DCST1: variants seen among roughly 807,000 people sequenced by gnomAD.
DCST1 encodes the protein E3 ubiquitin-protein ligase DCST1.
DCST1 carries 78 observed loss-of-function variants against 89.1 expected under a neutral mutation model. The ratio of observed to expected loss-of-function variants is 0.88; its 90% CI spans 0.73 to 1.06. DCST1 has a LOEUF of 1.06. Among genes scored for constraint, DCST1 ranks in the 50% least tolerant of loss-of-function variants. The pLI is 0.00. For missense variants in DCST1, 900 were observed against 928.6 expected (o/e 0.97, Z 0.40); for synonymous variants, 364 against 371.9 (o/e 0.98, Z 0.24).
At chr1:155,047,983 C>G in intron 15 of DCST1, 54 bp downstream of exon 15, 1 of 1,613,210 alleles carries the variant, frequency 6.2e-7, no homozygotes, top group South Asian at 1.1e-5. Flanking sequence ...CACACACACA[C>G]ACCACCCAGC....
chr1:155,034,813 G>C, intron 4 of DCST1, 86 bp downstream of exon 4: 1 of 1,457,410 alleles, frequency 6.9e-7, no homozygotes, highest in Non-Finnish European at 9.6e-7. Flanking sequence ...GTCGGGACTT[G>C]TTTCTTCTGT....
At position 155,050,675 on chromosome 1, in the gene DCST1, G is replaced by A. The variant is rs763943129; in HGVS notation, c.1928G>A (p.Cys643Tyr). ...RGCPLLRRWL[C>Y]RRCVVCQAPE... ...TGCCCGCTCCTGCGCCGCTGGCTGT[G>A]CCGGCGCTGCGTGGTGTGCCAGGCA... The change falls in exon 17 of 17, where the codon TGC becomes TAC. Residue 643 changes from cysteine (C) to tyrosine (Y), a missense_variant. By Grantham distance (194) the Cys-to-Tyr change is radical. Coordinates refer to ENST00000295542, the MANE Select transcript of DCST1 (RefSeq NM_152494.4). 87 of 1,602,094 alleles carry A rather than the reference G, an allele frequency of 5.4e-5. No homozygotes were observed. Among genetic ancestry groups the A allele is most frequent in the Non-Finnish European group, 7.1e-5 (83 of 1,176,290 alleles).
At position 155,047,919 on chromosome 1, in the gene DCST1, A is replaced by G. The variant is rs1197761870; in HGVS notation, c.1745A>G (p.Tyr582Cys). 2 of 1,613,814 alleles carry G rather than the reference A, an allele frequency of 1.2e-6. No individual in the cohort carries two copies. Among genetic ancestry groups the G allele is most frequent in the South Asian group, 1.1e-5 (1 of 91,078 alleles). ...YRLRRVIAAF[Y>C]FPKREKKRIL... The stretch of plus-strand genomic sequence containing the variant: ...CTCCGGAGGGTCATCGCAGCCTTCT[A>G]CTTCCCCAAGGTTTGCCCCTCCCCA... The change falls in exon 15 of 17, where the codon TAC becomes TGC. Residue 582 changes from tyrosine to cysteine, a missense_variant. Transcript: ENST00000295542.
chr1:155,049,924 GA>G (rs1660832122), intron 16 of DCST1, among the ~76,000 whole-genome samples: 1 of 152,218 alleles, frequency 6.6e-6, no homozygotes, highest in Non-Finnish European at 1.5e-5. Flanking sequence ...CAGGGAATGC[GA>G]AGTGCCAGGG....
At chr1:155,041,068 A>C (rs1660423326) in intron 6 of DCST1, among the ~76,000 whole-genome samples, 1 of 152,208 alleles carries the variant, frequency 6.6e-6, no homozygotes, top group Non-Finnish European at 1.5e-5. Context: ...TAATGATCTC[A>C]GAGACTAGTG....
At chr1:155,049,784 T>A (rs1660819041) in intron 16 of DCST1, among the ~76,000 whole-genome samples, 1 of 151,440 alleles carries the variant, frequency 6.6e-6, no homozygotes, top group Non-Finnish European at 1.5e-5. Context: ...TGTGAAAAAA[T>A]GAAAAACAAA....
chr1:155,035,367 GGC>G (rs1234037111), intron 4 of DCST1: 1 of 152,654 alleles, frequency 6.6e-6, no homozygotes, highest in Non-Finnish European at 1.5e-5. Context: ...TCTGTATGTT[GGC>G]CAGGCAGGTC....
At chr1:155,036,047 CAAAAAAAAAAA>C (rs11445380) in intron 4 of DCST1, among the ~76,000 whole-genome samples, 1 of 71,246 alleles carries the variant, frequency 1.4e-5, no homozygotes, top group African/African-American at 5.4e-5. Context: ...AACTCTGTCT[CAAAAAAAAAAA>C]AAAAAAAAAA....
In DCST1 at chr1:155,034,436, G is replaced by T; in HGVS notation, c.63G>T (p.Thr21=). ...TGAGCTACCCTGTCCCCCTCTTAGC[G>T]GTGCAGAGGCTCCTGACCTGGGGGC... The part of the protein sequence containing the change: ...RGQRRKQPHT[T]VQRLLTWGLP... Residue 21 remains threonine, a splice_region_variant and synonymous_variant, in exon 3 of 17, where the codon ACG becomes ACT. Coordinates refer to ENST00000295542, the MANE Select transcript of DCST1 (RefSeq NM_152494.4). 6.2e-7 allele frequency: 1 copy of T among 1,613,976 alleles called. No homozygotes were observed. Among genetic ancestry groups the T allele is most frequent in the Middle Eastern group, 1.7e-4 (1 of 6,060 alleles).
At position 155,043,411 on chromosome 1, in the gene DCST1, G is replaced by GT; in HGVS notation, c.1074_1075insT (p.Val359CysfsTer42). 6.2e-7 allele frequency: 1 copy of GT among 1,611,658 alleles called. No homozygotes were observed. The highest frequency in any genetic ancestry group is 1.7e-5 in the Admixed American group (1 of 59,966). On this transcript the variant is annotated frameshift_variant, in exon 10 of 17. Transcript: ENST00000295542. LOFTEE classifies it high-confidence loss of function. Reference sequence around the variant, plus strand: ...CAAGCTGGGAGCGCGTGAGCACCGAGGTGCGGGACTACGTGTACCGCCAGG... The same window carrying GT: ...CAAGCTGGGAGCGCGTGAGCACCGAGTGTGCGGGACTACGTGTACCGCCAGG...
intron 8 of DCST1, 89 bp from the exon 9 acceptor site, chr1:155,042,646 T>C: frequency 6.4e-7 from 1 of 1,567,630 alleles, no homozygotes; most frequent in East Asian, 2.2e-5. Context: ...AAAAGCAGGA[T>C]GAGGAGGACT....
At chr1:155,047,038 C>T (rs1302673271) in intron 13 of DCST1, among the ~76,000 whole-genome samples, 158 bp from the exon 14 acceptor site, 1 of 152,156 alleles carries the variant, frequency 6.6e-6, no homozygotes, top group African/African-American at 2.4e-5. Flanking sequence ...ACACTTACAA[C>T]TGGGAGCAGG....
At chr1:155,046,048 T>C in intron 11 of DCST1, 56 bp downstream of exon 11, 2 of 1,613,214 alleles carry the variant, frequency 1.2e-6, no homozygotes, top group Non-Finnish European at 1.7e-6. Flanking sequence ...CCTGTGTGGG[T>C]TCATGCTCCA....
chr1:155,037,930 T>C (rs1660323264), intron 4 of DCST1, among the ~76,000 whole-genome samples: 3 of 152,264 alleles, frequency 2.0e-5, no homozygotes, highest in Admixed American at 2.0e-4. Flanking sequence ...CTAGTCCCTT[T>C]CAGTGTCCTG....
chr1:155,042,780 T>A lies in DCST1; in HGVS notation c.938T>A (p.Phe313Tyr). The A allele has an allele frequency of 1.2e-6, 2 of 1,614,126 alleles. No individual in the cohort carries two copies. The highest frequency in any genetic ancestry group is 2.2e-5 in the South Asian group (2 of 91,076). The change falls in exon 9 of 17, where the codon TTT (phenylalanine) becomes TAT (tyrosine). Residue 313 changes from phenylalanine to tyrosine, a missense_variant. Physicochemically the swap from Phe to Tyr is conservative, Grantham distance 22. Transcript: ENST00000295542. ...AATCGCATCCCAGTGGAAGGCAACTTTGGGCAGACCTACGACTCCCTCAAC... is the reference window on the plus strand; with the variant it reads ...AATCGCATCCCAGTGGAAGGCAACTATGGGCAGACCTACGACTCCCTCAAC... ...CRNRIPVEGN[F>Y]GQTYDSLNQS...
chr1:155,044,733 G>A (rs1425467167), intron 10 of DCST1, among the ~76,000 whole-genome samples: 1 of 152,224 alleles, frequency 6.6e-6, no homozygotes, highest in Non-Finnish European at 1.5e-5. Context: ...GGCTGGCCTG[G>A]AGAACTGAAG....
chr1:155,044,208 A>G (rs780869480), intron 10 of DCST1, among the ~76,000 whole-genome samples: 1 of 152,346 alleles, frequency 6.6e-6, no homozygotes, highest in South Asian at 2.1e-4. Flanking sequence ...ATCGCCAGGC[A>G]TGGCGGCTCA....
chr1:155,042,698 C>A (rs545975742), intron 8 of DCST1, 37 bp from the exon 9 acceptor site: 1 of 1,613,082 alleles, frequency 6.2e-7, no homozygotes, highest in Non-Finnish European at 8.5e-7. Context: ...GGAGGACAGG[C>A]CCGGGGAGGC....
At chr1:155,042,913 G>A (rs1347948775) in intron 9 of DCST1, 57 bp downstream of exon 9, 2 of 1,597,896 alleles carry the variant, frequency 1.3e-6, no homozygotes, top group East Asian at 4.5e-5. Context: ...AGGAGGGCAT[G>A]AGGGAATAGA....
Sources: allele counts gnomAD v4.1 joint callset (sites outside exome capture counted in the v4.1 genomes callset), GRCh38; gene constraint gnomAD v4.1.1; transcripts MANE v1.5; gene names NCBI Gene and HGNC (gene_info 2026-07-23, HGNC 2026-07-21).